The following LOXL2 variants were observed in gnomAD, a reference collection of about 807,000 sequenced individuals.
LOXL2 encodes the protein lysyl oxidase homolog 2.
A neutral mutation model predicts 93.0 loss-of-function variants in LOXL2; 70 were observed. That is an observed-to-expected ratio of 0.75 (90% CI 0.62 to 0.92). LOXL2 has a LOEUF of 0.92. Ranked by LOEUF, LOXL2 falls within the 40% of genes least tolerant of loss-of-function variation. The probability of loss-of-function intolerance (pLI) is 0.00; values close to 1 mark genes in which losing one functional copy is unlikely to be tolerated. For missense variants in LOXL2, 973 were observed against 1,054.9 expected, an observed-to-expected ratio of 0.92 and a Z score of 1.08; for synonymous variants, 438 against 413.2, an observed-to-expected ratio of 1.06 and a Z score of -0.73.
chr8:23,369,478 A>G (rs1048439399), intron 1 of LOXL2, among the ~76,000 whole-genome samples: 4 of 152,186 alleles, frequency 2.6e-5, no homozygotes, highest in African/African-American at 4.8e-5. Context: ...GCAGAGGAGT[A>G]GGCTAATCAT....
At chr8:23,299,746 G>C (rs1249460692) in intron 12 of LOXL2, among the ~76,000 whole-genome samples, 4 of 152,204 alleles carry the variant, frequency 2.6e-5, no homozygotes, top group Non-Finnish European at 4.4e-5. Flanking sequence ...GAAGGGCTGC[G>C]ACCCACAGCA....
At chr8:23,383,902 C>T (rs574247968) in intron 1 of LOXL2, among the ~76,000 whole-genome samples, 4 of 152,058 alleles carry the variant, frequency 2.6e-5, no homozygotes, top group African/African-American at 7.2e-5. Flanking sequence ...CCTCGTGATC[C>T]ACCCGCCTCG....
At chr8:23,328,214 C>A (rs890880259) in intron 6 of LOXL2, among the ~76,000 whole-genome samples, 168 bp downstream of exon 6, 1 of 152,104 alleles carries the variant, frequency 6.6e-6, no homozygotes, top group African/African-American at 2.4e-5. Context: ...TTCTCTAAGG[C>A]CCCTTTCAAC....
chr8:23,372,813 CCT>C (rs1804520245), intron 1 of LOXL2, among the ~76,000 whole-genome samples: 1 of 152,212 alleles, frequency 6.6e-6, no homozygotes, highest in African/African-American at 2.4e-5. Flanking sequence ...TTTTTACACA[CCT>C]CTGTCAGTAA....
chr8:23,378,307 C>T (rs1188926705), intron 1 of LOXL2, among the ~76,000 whole-genome samples: 1 of 152,212 alleles, frequency 6.6e-6, no homozygotes, highest in East Asian at 1.9e-4. Context: ...GCTGAGAGAT[C>T]TGCTGCTAGT....
At chr8:23,314,147 G>C (rs1044223588) in intron 9 of LOXL2, among the ~76,000 whole-genome samples, 134 of 152,276 alleles carry the variant, frequency 8.8e-4, no homozygotes, top group African/African-American at 3.2e-3. Context: ...GGAACAACAG[G>C]TGCTGGAGAG....
At position 23,322,285 on chromosome 8, in the gene LOXL2, C is replaced by A. The variant is rs761040157; in HGVS notation, c.1151-4G>T. On this transcript the variant is annotated splice_region_variant and splice_polypyrimidine_tract_variant and intron_variant, in intron 6 of 13. Coordinates refer to ENST00000389131, the MANE Select transcript of LOXL2 (RefSeq NM_002318.3). ...TTGAGGTGGATGGGTCCGATCCCTG[C>A]AAGGGGAGAATAAACATGCTCTATG... is the stretch of plus-strand genomic sequence containing the variant. 2 of 1,612,138 alleles carry A rather than the reference C, an allele frequency of 1.2e-6. No homozygotes were observed. Among genetic ancestry groups the A allele is most frequent in the South Asian group, 1.1e-5 (1 of 90,878 alleles).
At chr8:23,314,861 AG>A (rs1398728204) in intron 9 of LOXL2, among the ~76,000 whole-genome samples, 25 of 143,984 alleles carry the variant, frequency 1.7e-4, no homozygotes, top group Middle Eastern at 3.4e-3. Flanking sequence ...ATAAAAAAGG[AG>A]AAAAACAACA....
chr8:23,310,090 CTG>C (rs1196369489), intron 9 of LOXL2, among the ~76,000 whole-genome samples, 179 bp from the exon 10 acceptor site: 1 of 152,242 alleles, frequency 6.6e-6, no homozygotes, highest in Non-Finnish European at 1.5e-5. Context: ...TTTTCCTCTG[CTG>C]TGAGTCCTCT....
chr8:23,352,312 G>C (rs1343939511), intron 3 of LOXL2, among the ~76,000 whole-genome samples: 1 of 152,196 alleles, frequency 6.6e-6, no homozygotes. Flanking sequence ...TCCTCCTACA[G>C]AGAGAGGCCA....
chr8:23,338,416 G>T (rs1208531116), intron 4 of LOXL2, among the ~76,000 whole-genome samples: 4 of 152,110 alleles, frequency 2.6e-5, no homozygotes, highest in Non-Finnish European at 5.9e-5. Flanking sequence ...AGGCAGCAGC[G>T]GGGTGGGGGG....
intron 9 of LOXL2, among the ~76,000 whole-genome samples, chr8:23,312,037 C>T (rs968637535): frequency 6.6e-6 from 1 of 152,206 alleles, no homozygotes; most frequent in Non-Finnish European, 1.5e-5. Context: ...CACAAATAAA[C>T]TAGAAATCTA....
intron 1 of LOXL2, among the ~76,000 whole-genome samples, chr8:23,403,057 T>A (rs1800172431): frequency 6.6e-6 from 1 of 152,072 alleles, no homozygotes; most frequent in Admixed American, 6.5e-5. Context: ...CAATCATCTC[T>A]ATTCCAGCGC....
At chr8:23,379,077 G>T (rs558566920) in intron 1 of LOXL2, among the ~76,000 whole-genome samples, 3 of 152,072 alleles carry the variant, frequency 2.0e-5, no homozygotes, top group African/African-American at 4.8e-5. Flanking sequence ...ATCTACCTTC[G>T]GTCCTTGATG....
chr8:23,298,132 G>A lies in LOXL2; in HGVS notation c.2246-10C>T, dbSNP rs781769130. ...TCGCTGAAGGAACCACCTGAAGAGC[G>A]AGAATCGGGTAGAGAGAGTGGACAA... On this transcript the variant is annotated splice_polypyrimidine_tract_variant and intron_variant, in intron 13 of 13. Coordinates refer to ENST00000389131, the MANE Select transcript of LOXL2 (RefSeq NM_002318.3). 3 of 1,609,016 alleles carry A rather than the reference G, an allele frequency of 1.9e-6. No homozygotes were observed. The highest frequency in any genetic ancestry group is 2.6e-6 in the Non-Finnish European group (3 of 1,176,156).
At position 23,378,646 on chromosome 8, in the gene LOXL2, C is replaced by G. The variant is rs576144486; in HGVS notation, c.-83-10212G>C. ...TGGAGGCTTTGTTCGTTTCTTTTTACTCTTTTTTCTCTAAACTTCTCTTCT... is the reference window on the plus strand; with the variant it reads ...TGGAGGCTTTGTTCGTTTCTTTTTAGTCTTTTTTCTCTAAACTTCTCTTCT... On this transcript the variant is annotated intron_variant, in intron 1 of 13. Transcript: ENST00000389131. 4.6e-5 allele frequency among the ~76,000 whole-genome samples: 7 copies of G among 152,272 alleles called. No individual in the cohort carries two copies. The East Asian group carries it at 1.3e-3, about 29-fold the overall frequency.
At chr8:23,380,569 C>T (rs1299055409) in intron 1 of LOXL2, among the ~76,000 whole-genome samples, 12 of 152,176 alleles carry the variant, frequency 7.9e-5, no homozygotes, top group Admixed American at 7.9e-4. Flanking sequence ...CTCCTACTCC[C>T]TCCTCTGGGG....
chr8:23,349,963 A>C (rs1372434498), intron 3 of LOXL2, among the ~76,000 whole-genome samples: 1 of 152,064 alleles, frequency 6.6e-6, no homozygotes, highest in Admixed American at 6.5e-5. Flanking sequence ...ATGCAAAATA[A>C]AGTTATGCAG....
intron 5 of LOXL2, chr8:23,328,797 C>T: frequency 2.0e-6 from 1 of 508,376 alleles, no homozygotes. Context: ...AGCTCTGGTG[C>T]AAGCTCCCTT....
Sources: allele counts gnomAD v4.1 joint callset (sites outside exome capture counted in the v4.1 genomes callset), GRCh38; gene constraint gnomAD v4.1.1; transcripts MANE v1.5; gene names NCBI Gene and HGNC (gene_info 2026-07-23, HGNC 2026-07-21).